Variants in PCDHA3 observed in about 807,000 individuals in gnomAD.
PCDHA3 encodes the protein protocadherin alpha-3.
PCDHA3 carries 41 observed loss-of-function variants against 62.2 expected under a neutral mutation model. The ratio of observed to expected loss-of-function variants is 0.66; its 90% CI spans 0.51 to 0.86. The LOEUF (loss-of-function observed/expected upper bound fraction) is 0.86. PCDHA3 is among the 40% of genes least tolerant of loss of function. PCDHA3 has a pLI of 0.00. For synonymous variants in PCDHA3, 640 were observed against 555.4 expected, an observed-to-expected ratio of 1.15 and a Z score of -2.14; for missense variants, 1,304 against 1,241.2, an observed-to-expected ratio of 1.05 and a Z score of -0.76.
intron 1 of PCDHA3, chr5:140,969,615 G>A (rs1417453925): frequency 3.6e-5 from 26 of 714,726 alleles, no homozygotes; most frequent in Non-Finnish European, 5.5e-5. Flanking sequence ...ACACAGATTT[G>A]TAGAGAAACA....
intron 1 of PCDHA3, chr5:140,841,738 G>A (rs2150321831): frequency 1.9e-6 from 3 of 1,613,784 alleles, no homozygotes; most frequent in South Asian, 1.1e-5. Context: ...AAGACCAAAA[G>A]CTGTTTGTTT....
chr5:140,941,402 C>T (rs544909478), intron 1 of PCDHA3, among the ~76,000 whole-genome samples: 12 of 149,674 alleles, frequency 8.0e-5, no homozygotes, highest in African/African-American at 2.5e-4. Flanking sequence ...CTGCAACCTC[C>T]GCCTCCCGGG....
chr5:140,957,346 G>C (rs1027225386), intron 1 of PCDHA3, among the ~76,000 whole-genome samples: 7 of 152,080 alleles, frequency 4.6e-5, no homozygotes, highest in Non-Finnish European at 8.8e-5. Flanking sequence ...TTTTGAGAGA[G>C]AGACCACATT....
chr5:140,805,378 G>A, intron 1 of PCDHA3: 8 of 1,125,842 alleles, frequency 7.1e-6, no homozygotes, highest in African/African-American at 1.6e-5. Flanking sequence ...CATAGTGAAA[G>A]TACTCTGGTT....
At position 140,849,055 on chromosome 5, in the gene PCDHA3, A is replaced by G; in HGVS notation, c.2394+45464A>G. The G allele has an allele frequency of 5.8e-6, 9 of 1,555,688 alleles. No individual in the cohort carries two copies. The Middle Eastern group carries it at 8.5e-4, about 147-fold the overall frequency. ...TTCCTGGACGTGCCAACCAGCAACC[A>G]GCAGGTAAAACCTCTTGGACTTGTA... On this transcript the variant is annotated intron_variant, in intron 1 of 3. Coordinates refer to ENST00000522353, the MANE Select transcript of PCDHA3 (RefSeq NM_018906.3).
At position 140,802,007 on chromosome 5, in the gene PCDHA3, T is replaced by C; in HGVS notation, c.810T>C (p.Asp270=). ...TGACCGTTAACGCCACCGATTTGGA[T>C]GAAGGAGTAAATAAGGATATCGCGT... ...LVVTVNATDL[D]EGVNKDIAYS... Residue 270 remains aspartate (D), a synonymous_variant, in exon 1 of 4, where the codon GAT becomes GAC. Transcript: ENST00000522353. 6.2e-7 allele frequency: 1 copy of C among 1,614,172 alleles called. No homozygotes were observed.
At chr5:140,921,198 A>T (rs1298623554) in intron 1 of PCDHA3, among the ~76,000 whole-genome samples, 2 of 152,076 alleles carry the variant, frequency 1.3e-5, no homozygotes, top group African/African-American at 4.8e-5. Flanking sequence ...CAATAGATTG[A>T]CAACGATAAT....
intron 1 of PCDHA3, chr5:140,827,981 T>G (rs1359301062): frequency 2.8e-6 from 4 of 1,422,902 alleles, no homozygotes; most frequent in Non-Finnish European, 3.8e-6. Flanking sequence ...ATTCCCTGAC[T>G]GTTGAATGAT....
chr5:140,929,307 C>A, intron 1 of PCDHA3: 1 of 1,570,164 alleles, frequency 6.4e-7, no homozygotes, highest in Non-Finnish European at 8.7e-7. Flanking sequence ...AAGGGGATCA[C>A]GCTAATGTCA....
chr5:140,911,404 A>G (rs2075457175), intron 1 of PCDHA3, among the ~76,000 whole-genome samples: 1 of 152,174 alleles, frequency 6.6e-6, no homozygotes, highest in African/African-American at 2.4e-5. Flanking sequence ...CAGGTCAGCC[A>G]CTGGTATGAT....
At position 140,822,901 on chromosome 5, in the gene PCDHA3, C is replaced by A. The variant is rs2150120199; in HGVS notation, c.2394+19310C>A. 3.1e-6 allele frequency: 5 copies of A among 1,614,234 alleles called. No homozygotes were observed. In the South Asian group the frequency reaches 3.3e-5, roughly 11 times the overall value. ...CATTGCTCTGATCAGCGTGTCTGAC[C>A]GTGACTCAGGTGCCAACGGGCAGGT... is the stretch of plus-strand genomic sequence containing the variant. On this transcript the variant is annotated intron_variant, in intron 1 of 3. Coordinates refer to ENST00000522353, the MANE Select transcript of PCDHA3 (RefSeq NM_018906.3).
intron 1 of PCDHA3, among the ~76,000 whole-genome samples, chr5:140,907,434 A>G (rs782559641): frequency 2.5e-4 from 38 of 152,256 alleles, no homozygotes; most frequent in Non-Finnish European, 4.4e-4. Context: ...GCATTCTGTG[A>G]GTCCACAGAT....
At chr5:140,875,504 C>G (rs1554167711) in intron 1 of PCDHA3, 2 of 1,613,462 alleles carry the variant, frequency 1.2e-6, no homozygotes, top group African/African-American at 2.7e-5. Context: ...GGCCCGGGAT[C>G]CCAGCGTCTG....
At chr5:140,884,188 G>C in intron 1 of PCDHA3, 1 of 1,613,436 alleles carries the variant, frequency 6.2e-7, no homozygotes, top group Middle Eastern at 1.7e-4. Flanking sequence ...TGGACGAGGT[G>C]GACGCGCCGC....
intron 1 of PCDHA3, among the ~76,000 whole-genome samples, chr5:140,931,320 G>A (rs1350182542): frequency 6.6e-6 from 1 of 151,992 alleles, no homozygotes; most frequent in Non-Finnish European, 1.5e-5. Context: ...TACCAGTAAT[G>A]GCTGTAAAGT....
At chr5:140,974,712 G>C (rs999445044) in intron 1 of PCDHA3, among the ~76,000 whole-genome samples, 1 of 152,076 alleles carries the variant, frequency 6.6e-6, no homozygotes, top group African/African-American at 2.4e-5. Flanking sequence ...TGTTGTTCAA[G>C]CTGCTCTCGA....
intron 3 of PCDHA3, among the ~76,000 whole-genome samples, chr5:140,993,766 C>T (rs567978996): frequency 9.2e-5 from 14 of 152,082 alleles, no homozygotes; most frequent in African/African-American, 1.7e-4. Context: ...ATTACAATTG[C>T]GCAGTATTTT....
intron 3 of PCDHA3, among the ~76,000 whole-genome samples, chr5:141,004,899 C>A (rs898562164): frequency 4.6e-5 from 7 of 152,096 alleles, no homozygotes. Context: ...TCAGCTCTGC[C>A]AGGGTGTAAG....
chr5:140,807,544 G>A (rs1763960180), intron 1 of PCDHA3: 1 of 1,614,168 alleles, frequency 6.2e-7, no homozygotes, highest in Admixed American at 1.7e-5. Context: ...TTTTCCATGT[G>A]GACGTGGAGG....
Sources: allele counts gnomAD v4.1 joint callset (sites outside exome capture counted in the v4.1 genomes callset), GRCh38; gene constraint gnomAD v4.1.1; transcripts MANE v1.5; gene names NCBI Gene and HGNC (gene_info 2026-07-23, HGNC 2026-07-21).